Variants in SAE1 observed in about 807,000 individuals in gnomAD.
SAE1 encodes SUMO1 activating enzyme subunit 1.
SAE1 carries 11 observed loss-of-function variants against 40.6 expected under a neutral mutation model. The ratio of observed to expected loss-of-function variants is 0.27; its 90% CI spans 0.17 to 0.45. The LOEUF is 0.45. Ranked by LOEUF, SAE1 falls within the 20% of genes least tolerant of loss-of-function variation. The probability of loss-of-function intolerance (pLI) is 1.00; values close to 1 mark genes in which losing one functional copy is unlikely to be tolerated. For missense variants in SAE1, 373 were observed against 427.3 expected, an observed-to-expected ratio of 0.87 and a Z score of 1.12; for synonymous variants, 155 against 154.3, an observed-to-expected ratio of 1.00 and a Z score of -0.03.
At chr19:47,176,074 A>G (rs571673318) in intron 6 of SAE1, among the ~76,000 whole-genome samples, 166 of 152,336 alleles carry the variant, frequency 1.1e-3, no homozygotes, top group Non-Finnish European at 1.9e-3. Context: ...TTGTTGAACA[A>G]TGGTTAACAA....
At chr19:47,190,370 C>T (rs902708295) in intron 6 of SAE1, among the ~76,000 whole-genome samples, 6 of 152,118 alleles carry the variant, frequency 3.9e-5, no homozygotes, top group Admixed American at 6.6e-5. Context: ...GCTCTTGGGG[C>T]GGGGCGGAAA....
At chr19:47,196,742 A>G (rs2058618971) in intron 6 of SAE1, among the ~76,000 whole-genome samples, 1 of 151,836 alleles carries the variant, frequency 6.6e-6, no homozygotes, top group Admixed American at 6.6e-5. Flanking sequence ...TATATACTTC[A>G]TTGAATTGTT....
chr19:47,209,392 G>T lies in SAE1; in HGVS notation c.*141G>T, dbSNP rs1445493949. Reference sequence around the variant, plus strand: ...ACAAAACATTTCCTGCAACGAAGGAGGTGGTGCCGACGTGCTGCTTCCCAT... The same window carrying T: ...ACAAAACATTTCCTGCAACGAAGGATGTGGTGCCGACGTGCTGCTTCCCAT... On this transcript the variant is annotated 3_prime_UTR_variant, in exon 9 of 9. Coordinates refer to ENST00000270225, the MANE Select transcript of SAE1 (RefSeq NM_005500.3). 2 of 1,444,202 alleles carry T rather than the reference G, an allele frequency of 1.4e-6. No individual in the cohort carries two copies. The highest frequency in any genetic ancestry group is 1.9e-6 in the Non-Finnish European group (2 of 1,060,266). 89.5% of individuals were successfully genotyped at this position (1,444,202 alleles called of 1,614,324 possible).
chr19:47,161,519 G>A (rs757247736), intron 5 of SAE1, among the ~76,000 whole-genome samples: 20 of 152,082 alleles, frequency 1.3e-4, no homozygotes, highest in Admixed American at 3.9e-4. Context: ...ACATTTGTGT[G>A]GATTAAAAAA....
At chr19:47,199,487 G>T (rs2058638989) in intron 7 of SAE1, among the ~76,000 whole-genome samples, 1 of 152,018 alleles carries the variant, frequency 6.6e-6, no homozygotes, top group South Asian at 2.1e-4. Context: ...AAGAGGGTGG[G>T]CAGGGAAGGA....
chr19:47,170,773 C>T (rs1245191789), intron 6 of SAE1, among the ~76,000 whole-genome samples: 1 of 152,150 alleles, frequency 6.6e-6, no homozygotes, highest in Non-Finnish European at 1.5e-5. Context: ...TTCCAAAGTG[C>T]TGGAGTTAAA....
chr19:47,169,952 G>A (rs1439250426), intron 6 of SAE1, 29 bp downstream of exon 6: 1 of 1,550,278 alleles, frequency 6.5e-7, no homozygotes, highest in Non-Finnish European at 8.9e-7. Context: ...ACTTACCCCG[G>A]GAGAGCTTTT....
At chr19:47,176,114 CTG>C (rs539047102) in intron 6 of SAE1, among the ~76,000 whole-genome samples, 370 of 152,310 alleles carry the variant, frequency 2.4e-3, no homozygotes, top group Non-Finnish European at 4.0e-3. Flanking sequence ...TGTAATCAAA[CTG>C]TGAAACACCG....
At chr19:47,152,837 A>G in intron 3 of SAE1, 61 bp from the exon 4 acceptor site, 1 of 1,519,334 alleles carries the variant, frequency 6.6e-7, no homozygotes, top group Non-Finnish European at 9.1e-7. Flanking sequence ...TTATTTAGAC[A>G]TCAGGGCAGT....
intron 1 of SAE1, among the ~76,000 whole-genome samples, chr19:47,135,930 A>T (rs753989192): frequency 2.2e-4 from 34 of 151,740 alleles, no homozygotes; most frequent in Non-Finnish European, 4.9e-4. Flanking sequence ...CAGCCTCCCT[A>T]GTAGCTGGGA....
At position 47,150,282 on chromosome 19, in the gene SAE1, G is replaced by T. The variant is rs1439135120; in HGVS notation, c.291G>T (p.Glu97Asp). 1.2e-6 allele frequency: 2 copies of T among 1,613,850 alleles called. No individual in the cohort carries two copies. Among genetic ancestry groups the T allele is most frequent in the Non-Finnish European group, 1.7e-6 (2 of 1,179,862 alleles). The change falls in exon 3 of 9, where the codon GAG (glutamate) becomes GAT (aspartate). Residue 97 changes from glutamate (E) to aspartate (D), a missense_variant. Transcript: ENST00000270225. Reference protein sequence around the residue: ...VGRNRAEASLERAQNLNPMVD... With the variant: ...VGRNRAEASLDRAQNLNPMVD... ...GAAATAGGGCTGAAGCCTCTTTGGA[G>T]CGAGCTCAGAATCTCAACCCCATGG...
intron 6 of SAE1, chr19:47,180,406 G>T (rs2058498549): frequency 2.7e-6 from 1 of 369,000 alleles, no homozygotes. Flanking sequence ...ATGTAAACAA[G>T]GAATTATGAA....
chr19:47,179,360 A>G (rs2058491599), intron 6 of SAE1, among the ~76,000 whole-genome samples: 1 of 151,610 alleles, frequency 6.6e-6, no homozygotes, highest in Admixed American at 6.6e-5. Context: ...CAAAAAAATT[A>G]GCCAGACATG....
intron 6 of SAE1, among the ~76,000 whole-genome samples, chr19:47,171,516 A>C (rs970103918): frequency 3.3e-5 from 5 of 151,766 alleles, no homozygotes; most frequent in African/African-American, 1.2e-4. Flanking sequence ...CAGTGGCGTG[A>C]TCTTGGCTCA....
At chr19:47,181,955 A>T (rs954320281) in intron 6 of SAE1, among the ~76,000 whole-genome samples, 46 of 150,826 alleles carry the variant, frequency 3.0e-4, no homozygotes, top group African/African-American at 9.0e-4. Context: ...TGTAGGCTAA[A>T]TTTTTAATTT....
rs997812226 is a variant in SAE1, at chr19:47,188,178, GTC to G, written c.734-9051_734-9050del. On this transcript the variant is annotated intron_variant, in intron 6 of 8. Transcript: ENST00000270225. ...AGCCTGGGCAACATGGTGAGACCTCGTCTCTACAAAAAATAAAAAATGAACCA... is the reference window on the plus strand; with the variant it reads ...AGCCTGGGCAACATGGTGAGACCTCGTCTACAAAAAATAAAAAATGAACCA... Among the ~76,000 whole-genome samples, 130 of 151,818 alleles carry G rather than the reference GTC, an allele frequency of 8.6e-4. 1 individual carries two copies. The highest frequency in any genetic ancestry group is 3.0e-3 in the African/African-American group (123 of 41,436).
At chr19:47,196,241 TG>T (rs2058613931) in intron 6 of SAE1, among the ~76,000 whole-genome samples, 1 of 149,894 alleles carries the variant, frequency 6.7e-6, no homozygotes, top group African/African-American at 2.5e-5. Flanking sequence ...TTCACCATGT[TG>T]GTCAGGCTGG....
intron 7 of SAE1, among the ~76,000 whole-genome samples, chr19:47,198,274 T>C (rs541503490): frequency 6.6e-6 from 1 of 152,256 alleles, no homozygotes; most frequent in African/African-American, 2.4e-5. Context: ...CACGCCCAGC[T>C]AATTTTTTTT....
At chr19:47,203,418 T>A (rs1436492691) in intron 7 of SAE1, among the ~76,000 whole-genome samples, 1 of 152,220 alleles carries the variant, frequency 6.6e-6, no homozygotes, top group Non-Finnish European at 1.5e-5. Flanking sequence ...CTTTAACTTA[T>A]AAAGGTAAAA....
Sources: allele counts gnomAD v4.1 joint callset (sites outside exome capture counted in the v4.1 genomes callset), GRCh38; gene constraint gnomAD v4.1.1; transcripts MANE v1.5; gene names NCBI Gene and HGNC (gene_info 2026-07-23, HGNC 2026-07-21).